RNF150: variants seen among roughly 807,000 people sequenced by gnomAD.
RNF150 encodes ring finger protein 150.
Under a neutral mutation model 39.3 loss-of-function variants are expected in RNF150, and 24 were observed. That is an observed-to-expected ratio of 0.61 (90% CI 0.44 to 0.86). The LOEUF (loss-of-function observed/expected upper bound fraction) is 0.86, where lower values mean the gene tolerates loss of function less well. Among genes scored for constraint, RNF150 ranks in the 40% least tolerant of loss-of-function variants. RNF150 has a pLI of 0.00. For synonymous variants in RNF150, 255 were observed against 227.3 expected, an observed-to-expected ratio of 1.12 and a Z score of -1.10; for missense variants, 502 against 587.8, an observed-to-expected ratio of 0.85 and a Z score of 1.51.
chr4:141,047,140 T>TTG lies in RNF150; in HGVS notation c.485-79269_485-79268dup, dbSNP rs371176292. Among the ~76,000 whole-genome samples the TTG allele has an allele frequency of 2.8e-3, 420 of 152,112 alleles. 2 individuals are homozygous for TTG. The highest frequency in any genetic ancestry group is 8.2e-3 in the African/African-American group (339 of 41,498). On this transcript the variant is annotated intron_variant, in intron 1 of 6. Coordinates refer to ENST00000515673, the MANE Select transcript of RNF150 (RefSeq NM_020724.2). ...TGCACATGTGTGTATGTGTGAGAGA[T>TTG]TGTGTGTGTGTGTTTCCCTGCTTTA...
At chr4:140,949,518 G>T in intron 2 of RNF150, 146 bp from the exon 3 acceptor site, 1 of 675,770 alleles carries the variant, frequency 1.5e-6, no homozygotes, top group Non-Finnish European at 2.6e-6. Context: ...AAAAGACAGG[G>T]CAGTGGCATT....
At chr4:141,179,133 A>T (rs1362808560) in intron 1 of RNF150, among the ~76,000 whole-genome samples, 1 of 152,190 alleles carries the variant, frequency 6.6e-6, no homozygotes, top group African/African-American at 2.4e-5. Context: ...TTCCTCTCTG[A>T]CGTTCAACCA....
chr4:140,959,714 C>T (rs1560987349), intron 2 of RNF150, among the ~76,000 whole-genome samples: 1 of 152,278 alleles, frequency 6.6e-6, no homozygotes, highest in East Asian at 1.9e-4. Flanking sequence ...GCAAATCAGC[C>T]TCCTTGTTTC....
intron 2 of RNF150, among the ~76,000 whole-genome samples, chr4:140,959,661 A>G (rs1051333276): frequency 1.3e-5 from 2 of 152,118 alleles, no homozygotes; most frequent in Admixed American, 6.6e-5. Context: ...TCGAACAGGG[A>G]AGCAATGGCT....
chr4:140,899,974 C>CTCTGTG (rs1365683071), intron 6 of RNF150, among the ~76,000 whole-genome samples: 4 of 69,166 alleles, frequency 5.8e-5, no homozygotes, highest in African/African-American at 1.7e-4. Context: ...CTCTCTCTCT[C>CTCTGTG]TGTGTGTGTG....
chr4:141,092,831 AG>A (rs1450328724), intron 1 of RNF150, among the ~76,000 whole-genome samples: 1 of 151,602 alleles, frequency 6.6e-6, no homozygotes, highest in African/African-American at 2.4e-5. Flanking sequence ...TTCCTATACT[AG>A]ATGGGAAAAG....
chr4:141,182,254 C>T (rs2111189747), intron 1 of RNF150, among the ~76,000 whole-genome samples: 1 of 117,286 alleles, frequency 8.5e-6, no homozygotes. Flanking sequence ...GAAGCATTCC[C>T]TTTGAAAACT....
intron 5 of RNF150, among the ~76,000 whole-genome samples, chr4:140,915,256 T>A (rs1220583348): frequency 2.0e-5 from 3 of 152,182 alleles, no homozygotes; most frequent in Non-Finnish European, 4.4e-5. Flanking sequence ...ACATGGAACA[T>A]AGGAAAATTA....
intron 1 of RNF150, among the ~76,000 whole-genome samples, chr4:141,190,584 A>G (rs1487446409): frequency 6.6e-6 from 1 of 152,222 alleles, no homozygotes; most frequent in Admixed American, 6.5e-5. Flanking sequence ...GCATAGCATT[A>G]GAAACGCCTT....
intron 6 of RNF150, among the ~76,000 whole-genome samples, chr4:140,891,371 C>T (rs1729747633): frequency 6.6e-6 from 1 of 152,178 alleles, no homozygotes; most frequent in Non-Finnish European, 1.5e-5. Context: ...TCTGTTCTTG[C>T]TCCAGTAGGT....
upstream of RNF150, among the ~76,000 whole-genome samples, chr4:141,137,407 A>T (rs1578761798): frequency 6.6e-6 from 1 of 152,230 alleles, no homozygotes; most frequent in East Asian, 1.9e-4. Context: ...CATGGTGAGA[A>T]GTGATTCGAT....
At chr4:141,000,549 T>A (rs1560680056) in intron 1 of RNF150, among the ~76,000 whole-genome samples, 1 of 152,184 alleles carries the variant, frequency 6.6e-6, no homozygotes, top group Non-Finnish European at 1.5e-5. Context: ...GGCTAATAAC[T>A]CCTTTGGAAT....
chr4:140,897,039 G>C (rs1228699469), intron 6 of RNF150, among the ~76,000 whole-genome samples: 3 of 152,138 alleles, frequency 2.0e-5, no homozygotes, highest in African/African-American at 4.8e-5. Flanking sequence ...GGGCTGTAAG[G>C]ATCCAGTGGT....
intron 4 of RNF150, among the ~76,000 whole-genome samples, chr4:140,946,795 C>G (rs1215799168): frequency 6.6e-6 from 1 of 152,156 alleles, no homozygotes; most frequent in Non-Finnish European, 1.5e-5. Flanking sequence ...TGTGAGCCAC[C>G]ATGCCTGGCT....
intron 1 of RNF150, among the ~76,000 whole-genome samples, chr4:140,991,982 G>C (rs1323001839): frequency 6.6e-6 from 1 of 151,970 alleles, no homozygotes; most frequent in African/African-American, 2.4e-5. Flanking sequence ...AGTAAATCTG[G>C]TTTATTTCTA....
At chr4:141,140,981 A>G (rs1343693093) in intron 1 of RNF150, among the ~76,000 whole-genome samples, 1 of 152,222 alleles carries the variant, frequency 6.6e-6, no homozygotes, top group Non-Finnish European at 1.5e-5. Flanking sequence ...CTGCAGCATG[A>G]CTAATCACTC....
chr4:140,947,754 C>A lies in RNF150; in HGVS notation c.808-18G>T, dbSNP rs1220207179. 1.3e-6 allele frequency: 2 copies of A among 1,532,198 alleles called. No homozygotes were observed. Among genetic ancestry groups the A allele is most frequent in the Non-Finnish European group, 1.8e-6 (2 of 1,124,244 alleles). The allele number at this position is 1,532,198 out of a possible 1,614,324, so 94.9% of individuals were successfully genotyped here. ...TCTGTTTCCTGCAACAGAGGAAGCA[C>A]AGATGAGCCTATTTTCTTAGCTTCA... is the stretch of plus-strand genomic sequence containing the variant. On this transcript the variant is annotated intron_variant, in intron 3 of 6. Transcript: ENST00000515673.
At chr4:140,989,997 A>C (rs1022006784) in intron 1 of RNF150, among the ~76,000 whole-genome samples, 2 of 152,230 alleles carry the variant, frequency 1.3e-5, no homozygotes, top group African/African-American at 2.4e-5. Context: ...TAAAAAAAAA[A>C]ATTGTTCTTT....
chr4:141,084,176 A>G (rs1277922412), intron 1 of RNF150, among the ~76,000 whole-genome samples: 1 of 152,242 alleles, frequency 6.6e-6, no homozygotes, highest in East Asian at 1.9e-4. Context: ...ATATCAGCTT[A>G]GCAGATAACC....
Sources: gnomAD v4.1 joint callset for allele counts (sites outside exome capture counted in the v4.1 genomes callset) on GRCh38, gnomAD v4.1.1 for gene constraint, MANE v1.5 for transcripts, NCBI Gene and HGNC (gene_info 2026-07-23, HGNC 2026-07-21) for gene names.